The following NPAS3 variants were observed in gnomAD, a reference collection of about 807,000 sequenced individuals.
NPAS3 encodes the protein neuronal PAS domain protein 3, also known as neuronal PAS domain-containing protein 3.
Under a neutral mutation model 73.1 loss-of-function variants are expected in NPAS3, and 14 were observed. The observed-to-expected ratio is 0.19, with a 90% CI of 0.13 to 0.30. The LOEUF (loss-of-function observed/expected upper bound fraction) is 0.30. Among genes scored for constraint, NPAS3 ranks in the 10% least tolerant of loss-of-function variants. NPAS3 has a pLI of 1.00. For missense variants in NPAS3, 1,096 were observed against 1,250.0 expected, an observed-to-expected ratio of 0.88 and a Z score of 1.86; for synonymous variants, 620 against 541.5, an observed-to-expected ratio of 1.14 and a Z score of -2.01.
intron 2 of NPAS3, among the ~76,000 whole-genome samples, chr14:33,169,410 A>C (rs2045300414): frequency 6.6e-6 from 1 of 152,166 alleles, no homozygotes; most frequent in South Asian, 2.1e-4. Context: ...TCTACTAAAA[A>C]TATGAAAATT....
chr14:33,688,569 C>A (rs1330474815), intron 6 of NPAS3, among the ~76,000 whole-genome samples: 1 of 152,124 alleles, frequency 6.6e-6, no homozygotes, highest in African/African-American at 2.4e-5. Context: ...CTAAATTTTC[C>A]AGTTCATTTG....
chr14:33,542,184 G>A (rs2065593010), intron 4 of NPAS3, among the ~76,000 whole-genome samples: 1 of 152,146 alleles, frequency 6.6e-6, no homozygotes, highest in Admixed American at 6.6e-5. Flanking sequence ...CAAAATTAGT[G>A]ATCATTTAGT....
chr14:33,416,335 C>T (rs1272188140), intron 4 of NPAS3, among the ~76,000 whole-genome samples: 3 of 152,030 alleles, frequency 2.0e-5, no homozygotes, highest in Non-Finnish European at 4.4e-5. Context: ...AGAGGCGGGG[C>T]ACTAGACTAG....
At chr14:32,964,384 CTA>C (rs2037062206) in intron 1 of NPAS3, among the ~76,000 whole-genome samples, 1 of 152,066 alleles carries the variant, frequency 6.6e-6, no homozygotes, top group East Asian at 1.9e-4. Flanking sequence ...GGATTGCAGT[CTA>C]TGTCTCCTGA....
chr14:33,037,706 A>G (rs1378864949), intron 1 of NPAS3, among the ~76,000 whole-genome samples: 2 of 152,138 alleles, frequency 1.3e-5, no homozygotes, highest in Admixed American at 6.6e-5. Flanking sequence ...TACATTTCCA[A>G]TAACAAATGT....
intron 2 of NPAS3, among the ~76,000 whole-genome samples, chr14:33,112,546 A>G (rs188838735): frequency 1.3e-5 from 2 of 151,984 alleles, no homozygotes; most frequent in African/African-American, 4.8e-5. Context: ...GTTTGAGTTC[A>G]TTGTAGATTC....
chr14:33,715,732 C>A (rs189787196), intron 6 of NPAS3, among the ~76,000 whole-genome samples: 25 of 152,202 alleles, frequency 1.6e-4, no homozygotes, highest in Admixed American at 6.5e-4. Context: ...TGACTGTGTC[C>A]CCACCCAAAT....
In NPAS3 at chr14:33,658,967, C is replaced by T. The variant is rs529680669; in HGVS notation, c.559-17244C>T. ...TAGGTAGGCATAATAGATAAGCTGC[C>T]ATATTACTCTGGGACCCCAAATAAT... is the stretch of plus-strand genomic sequence containing the variant. On this transcript the variant is annotated intron_variant, in intron 5 of 11. Coordinates refer to ENST00000356141, the Ensembl canonical transcript of NPAS3. Among the ~76,000 whole-genome samples the T allele has an allele frequency of 5.3e-5, 8 of 152,234 alleles. No individual in the cohort carries two copies. The East Asian group carries it at 1.5e-3, about 29-fold the overall frequency.
intron 4 of NPAS3, among the ~76,000 whole-genome samples, chr14:33,492,124 T>G (rs1048281267): frequency 6.6e-6 from 1 of 152,154 alleles, no homozygotes; most frequent in Non-Finnish European, 1.5e-5. Flanking sequence ...TCTCACTCAC[T>G]TAGGGATCTA....
At chr14:33,515,732 G>A (rs947121455) in intron 4 of NPAS3, among the ~76,000 whole-genome samples, 1 of 152,070 alleles carries the variant, frequency 6.6e-6, no homozygotes, top group African/African-American at 2.4e-5. Context: ...CCACTCAACA[G>A]CACTGGACAC....
chr14:33,588,479 C>A (rs1795523891), intron 5 of NPAS3, among the ~76,000 whole-genome samples: 3 of 152,232 alleles, frequency 2.0e-5, no homozygotes, highest in Admixed American at 1.3e-4. Flanking sequence ...AGTCTAATTT[C>A]TCAACTTGTC....
chr14:33,046,736 G>T (rs1320724600), intron 1 of NPAS3, among the ~76,000 whole-genome samples: 1 of 152,230 alleles, frequency 6.6e-6, no homozygotes, highest in Non-Finnish European at 1.5e-5. Context: ...AACACTTTGA[G>T]AGGCCGAGGC....
At chr14:33,095,710 C>T (rs529569140) in intron 2 of NPAS3, among the ~76,000 whole-genome samples, 46 of 135,486 alleles carry the variant, frequency 3.4e-4, no homozygotes, top group African/African-American at 1.2e-3. Flanking sequence ...GCTCTGTCGC[C>T]CAGGCTGGAG....
chr14:33,435,791 T>C (rs915566448), intron 4 of NPAS3, among the ~76,000 whole-genome samples: 1 of 152,174 alleles, frequency 6.6e-6, no homozygotes, highest in Non-Finnish European at 1.5e-5. Flanking sequence ...CATAGTGTTA[T>C]AATGGCTAAT....
At chr14:33,146,555 A>G (rs1351814841) in intron 2 of NPAS3, among the ~76,000 whole-genome samples, 1 of 152,208 alleles carries the variant, frequency 6.6e-6, no homozygotes, top group Non-Finnish European at 1.5e-5. Context: ...TGAATAAGAC[A>G]CAATCCCTGC....
intron 3 of NPAS3, among the ~76,000 whole-genome samples, chr14:33,314,354 T>C (rs982730969): frequency 2.0e-5 from 3 of 152,052 alleles, no homozygotes; most frequent in African/African-American, 7.2e-5. Context: ...CTAGCTTTCA[T>C]AGGAGCTACA....
At chr14:33,339,128 A>G (rs1379491228) in intron 3 of NPAS3, among the ~76,000 whole-genome samples, 2 of 152,210 alleles carry the variant, frequency 1.3e-5, no homozygotes, top group East Asian at 3.8e-4. Context: ...ATGTGTAATA[A>G]TACATGCCAT....
chr14:33,750,206 C>T (rs537184881), intron 7 of NPAS3, among the ~76,000 whole-genome samples: 1 of 149,786 alleles, frequency 6.7e-6, no homozygotes, highest in South Asian at 2.1e-4. Flanking sequence ...ATGATGATTT[C>T]AGCTATTCCT....
At chr14:33,666,595 C>T (rs2140297221) in intron 5 of NPAS3, among the ~76,000 whole-genome samples, 1 of 152,308 alleles carries the variant, frequency 6.6e-6, no homozygotes, top group South Asian at 2.1e-4. Flanking sequence ...GAGGCAGTGA[C>T]CTACAGTAGT....
Sources: gnomAD v4.1 joint callset for allele counts (sites outside exome capture counted in the v4.1 genomes callset) on GRCh38, gnomAD v4.1.1 for gene constraint, MANE v1.5 for transcripts, NCBI Gene and HGNC (gene_info 2026-07-23, HGNC 2026-07-21) for gene names.